YPEL2: variants seen among roughly 807,000 people sequenced by gnomAD.
YPEL2 encodes the protein protein yippee-like 2.
Under a neutral mutation model 19.1 loss-of-function variants are expected in YPEL2, and 2 were observed. The ratio of observed to expected loss-of-function variants is 0.10; its 90% CI spans 0.04 to 0.33. The LOEUF (loss-of-function observed/expected upper bound fraction) is 0.33. Ranked by LOEUF, YPEL2 falls within the 10% of genes least tolerant of loss-of-function variation. YPEL2 has a pLI of 1.00. For missense variants in YPEL2, 66 were observed against 140.7 expected, an observed-to-expected ratio of 0.47 and a Z score of 2.68; for synonymous variants, 52 against 50.0, an observed-to-expected ratio of 1.04 and a Z score of -0.17.
At chr17:59,345,598 T>C (rs2047751993) in intron 1 of YPEL2, among the ~76,000 whole-genome samples, 1 of 152,070 alleles carries the variant, frequency 6.6e-6, no homozygotes, top group Admixed American at 6.6e-5. Flanking sequence ...TAATATCAGG[T>C]CCCCAGCTAA....
At chr17:59,397,069 C>A (rs564497080) in intron 4 of YPEL2, 32 bp from the exon 5 acceptor site, 5 of 1,532,706 alleles carry the variant, frequency 3.3e-6, no homozygotes, top group Non-Finnish European at 4.4e-6. Flanking sequence ...TTTGGTCGTT[C>A]AGTATCTCTT....
At position 59,353,312 on chromosome 17, in the gene YPEL2, C is replaced by T; in HGVS notation, c.-98C>T. 4.6e-6 allele frequency: 4 copies of T among 869,268 alleles called. No individual in the cohort carries two copies. Among genetic ancestry groups the T allele is most frequent in the East Asian group, 2.5e-5 (1 of 40,764 alleles). The allele number at this position is 869,268 out of a possible 1,614,324, so 53.8% of individuals were successfully genotyped here. A position where few individuals can be genotyped will look rare whatever the true frequency, so the allele number is the denominator to read the frequency against. ...GCCACACCCACCCGCTGCCAAACCA[C>T]GGCCTTTACCTGTGTCTTCCGGTGT... is the stretch of plus-strand genomic sequence containing the variant. On this transcript the variant is annotated 5_prime_UTR_variant, in exon 2 of 5. In the 5' UTR this introduces an upstream ATG that the reference lacks. Transcript: ENST00000312655. The surrounding 1 kb of genome is among the most constrained non-coding windows in gnomAD (Gnocchi z 4.8).
intron 1 of YPEL2, among the ~76,000 whole-genome samples, chr17:59,347,621 C>T (rs957579643): frequency 4.6e-5 from 7 of 152,198 alleles, no homozygotes; most frequent in Non-Finnish European, 8.8e-5. Flanking sequence ...GAGAGCATGG[C>T]CACTGAGGAA....
chr17:59,332,563 C>T (rs1052430782), intron 1 of YPEL2, among the ~76,000 whole-genome samples: 14 of 152,162 alleles, frequency 9.2e-5, no homozygotes, highest in Non-Finnish European at 1.8e-4. Flanking sequence ...CCTGCTTGGC[C>T]GCCGACCTCC....
chr17:59,390,992 A>C (rs2048004718), intron 4 of YPEL2, among the ~76,000 whole-genome samples: 2 of 152,332 alleles, frequency 1.3e-5, no homozygotes, highest in South Asian at 4.1e-4. Context: ...ATGTCAGTGA[A>C]AATTAACTTA....
chr17:59,332,360 C>T (rs1160174460), intron 1 of YPEL2, among the ~76,000 whole-genome samples: 2 of 152,196 alleles, frequency 1.3e-5, no homozygotes, highest in South Asian at 2.1e-4. Context: ...CGGAGCGCGT[C>T]GTCTGCCCCG....
chr17:59,388,406 A>G (rs1163391461), intron 3 of YPEL2, 36 bp downstream of exon 3: 3 of 1,607,758 alleles, frequency 1.9e-6, no homozygotes, highest in Non-Finnish European at 2.6e-6. Flanking sequence ...CTTGTGGGGT[A>G]CAGATTCGAG....
intron 1 of YPEL2, among the ~76,000 whole-genome samples, chr17:59,338,193 T>C (rs968553018): frequency 6.6e-6 from 1 of 152,168 alleles, no homozygotes; most frequent in Admixed American, 6.5e-5. Flanking sequence ...CCATGTGAGC[T>C]TACCCTCCAG....
At position 59,356,958 on chromosome 17, in the gene YPEL2, A is replaced by G. The variant is rs112542395; in HGVS notation, c.117+3432A>G. 4.9e-3 allele frequency among the ~76,000 whole-genome samples: 740 copies of G among 152,300 alleles called. 4 individuals carry two copies. Among genetic ancestry groups the G allele is most frequent in the African/African-American group, 0.017 (708 of 41,568 alleles). On this transcript the variant is annotated intron_variant, in intron 2 of 4. Transcript: ENST00000312655. ...ATCTTTGGGGTGAACGTTTCAATCTATGAATTTGGGGAGGCATTCAGACCA... is the reference window on the plus strand; with the variant it reads ...ATCTTTGGGGTGAACGTTTCAATCTGTGAATTTGGGGAGGCATTCAGACCA...
At chr17:59,386,613 G>T (rs967396787) in intron 2 of YPEL2, among the ~76,000 whole-genome samples, 6 of 152,232 alleles carry the variant, frequency 3.9e-5, no homozygotes, top group African/African-American at 1.4e-4. Flanking sequence ...AGGTGGCATG[G>T]CCAGGTCATG....
intron 4 of YPEL2, among the ~76,000 whole-genome samples, chr17:59,395,737 T>C (rs1043975750): frequency 6.6e-6 from 1 of 152,124 alleles, no homozygotes; most frequent in Non-Finnish European, 1.5e-5. Context: ...CTCACGGTAT[T>C]TTGTTCCTCT....
chr17:59,334,356 C>T (rs567411467), intron 1 of YPEL2, among the ~76,000 whole-genome samples: 5 of 144,968 alleles, frequency 3.4e-5, no homozygotes, highest in African/African-American at 1.2e-4. Flanking sequence ...ACTGCATAGC[C>T]TCGGGGGAAG....
intron 3 of YPEL2, chr17:59,388,759 G>C (rs1294650848): frequency 4.5e-6 from 1 of 222,878 alleles, no homozygotes; most frequent in African/African-American, 2.3e-5. Flanking sequence ...GGCCCACTTC[G>C]GGCAGATGCA....
At chr17:59,352,264 G>A (rs912334608) in intron 1 of YPEL2, among the ~76,000 whole-genome samples, 6 of 152,156 alleles carry the variant, frequency 3.9e-5, no homozygotes, top group African/African-American at 1.4e-4. Context: ...TAGCAGGTGC[G>A]GAAGCCTTAG....
At chr17:59,372,602 C>T (rs562532323) in intron 2 of YPEL2, among the ~76,000 whole-genome samples, 2 of 152,294 alleles carry the variant, frequency 1.3e-5, no homozygotes, top group African/African-American at 4.8e-5. Context: ...ATCCCACACC[C>T]TCTCCGCTCC....
At chr17:59,334,522 A>G (rs986181967) in intron 1 of YPEL2, among the ~76,000 whole-genome samples, 1 of 151,228 alleles carries the variant, frequency 6.6e-6, no homozygotes, top group Non-Finnish European at 1.5e-5. Context: ...GTGCAGGCGA[A>G]TCTTGTTAGG....
chr17:59,356,601 T>G (rs1251052958), intron 2 of YPEL2, among the ~76,000 whole-genome samples: 1 of 152,234 alleles, frequency 6.6e-6, no homozygotes, highest in Non-Finnish European at 1.5e-5. Context: ...TTCTCACTCA[T>G]ACAATGGGTA....
intron 1 of YPEL2, among the ~76,000 whole-genome samples, chr17:59,352,653 T>C (rs2047793228): frequency 6.6e-6 from 1 of 152,248 alleles, no homozygotes; most frequent in African/African-American, 2.4e-5. Flanking sequence ...GGGATCCTGC[T>C]GATTGGGAAC....
intron 2 of YPEL2, among the ~76,000 whole-genome samples, chr17:59,364,515 T>C (rs1042486707): frequency 3.3e-5 from 5 of 152,180 alleles, no homozygotes; most frequent in Non-Finnish European, 7.3e-5. Context: ...TAAGATGATA[T>C]GAGGCCATAT....
Sources: allele counts gnomAD v4.1 joint callset (sites outside exome capture counted in the v4.1 genomes callset), GRCh38; gene constraint gnomAD v4.1.1; non-coding constraint Gnocchi (gnomAD v3.1); transcripts MANE v1.5; gene names NCBI Gene and HGNC (gene_info 2026-07-23, HGNC 2026-07-21).